Variants in CANX observed in about 807,000 individuals in gnomAD.
The protein encoded by CANX is epididymis secretory sperm binding protein.
Under a neutral mutation model 75.7 loss-of-function variants are expected in CANX, and 14 were observed. The observed-to-expected ratio is 0.19, with a 90% CI of 0.12 to 0.29. CANX has a LOEUF of 0.29. CANX is among the 10% of genes least tolerant of loss of function. CANX has a pLI of 1.00. For missense variants in CANX, 567 were observed against 713.2 expected (o/e 0.79, Z 2.34); for synonymous variants, 227 against 236.9 (o/e 0.96, Z 0.38).
At chr5:179,702,534 T>A (rs1194604110) in intron 1 of CANX, among the ~76,000 whole-genome samples, 6 of 152,194 alleles carry the variant, frequency 3.9e-5, no homozygotes, top group Admixed American at 3.9e-4. Context: ...CCTTCCTTTT[T>A]GAGATTGAAT....
At chr5:179,681,336 A>G (rs1027198821) in intron 1 of CANX, among the ~76,000 whole-genome samples, 1 of 152,220 alleles carries the variant, frequency 6.6e-6, no homozygotes, top group African/African-American at 2.4e-5. Flanking sequence ...ATAGTCTCTC[A>G]GGAAGCTAAC....
intron 1 of CANX, among the ~76,000 whole-genome samples, chr5:179,689,643 G>C (rs1776265438): frequency 6.6e-6 from 1 of 152,072 alleles, no homozygotes; most frequent in Non-Finnish European, 1.5e-5. Context: ...GCCCGCCTCG[G>C]CCTCCCAAAG....
At chr5:179,690,304 A>G (rs11959335) in intron 1 of CANX, among the ~76,000 whole-genome samples, 2 of 151,838 alleles carry the variant, frequency 1.3e-5, no homozygotes, top group Non-Finnish European at 2.9e-5. Context: ...GGCCAGGCGC[A>G]GTGGCTCACG....
At chr5:179,679,720 G>T (rs963192921) in intron 1 of CANX, among the ~76,000 whole-genome samples, 9 of 151,894 alleles carry the variant, frequency 5.9e-5, no homozygotes, top group African/African-American at 2.2e-4. Flanking sequence ...GTGCAATTGC[G>T]CGATCTTGGC....
At chr5:179,700,538 C>G (rs1776665780) in intron 1 of CANX, 1 of 152,464 alleles carries the variant, frequency 6.6e-6, no homozygotes, top group Non-Finnish European at 1.5e-5. Flanking sequence ...AGCCAGGTAA[C>G]TGGATCATGA....
At chr5:179,698,655 C>A (rs1167834845), upstream of CANX, 2 of 1,190,498 alleles carry the variant, frequency 1.7e-6, no homozygotes, top group East Asian at 5.7e-5. Flanking sequence ...CCACAGCAAC[C>A]GACGCGGGAA....
intron 14 of CANX, among the ~76,000 whole-genome samples, chr5:179,727,040 G>A (rs944512102): frequency 6.6e-6 from 1 of 152,160 alleles, no homozygotes; most frequent in Non-Finnish European, 1.5e-5. Context: ...AGGAAACTTC[G>A]GGTCATTAAC....
chr5:179,720,028 A>C (rs1270110542), intron 9 of CANX, among the ~76,000 whole-genome samples: 1 of 151,738 alleles, frequency 6.6e-6, no homozygotes, highest in African/African-American at 2.4e-5. Flanking sequence ...ACGGACTTTC[A>C]CCGTGTTGGC....
In CANX at chr5:179,705,831, T is replaced by C; in HGVS notation, c.150T>C (p.Thr50=). Residue 50 remains threonine (T), a synonymous_variant, in exon 2 of 15, where the codon ACT becomes ACC. Coordinates refer to ENST00000247461, the MANE Select transcript of CANX (RefSeq NM_001746.4). The part of the protein sequence containing the change: ...EEVEDSKPDT[T]APPSSPKVTY... ...TAGAAGACTCAAAACCAGATACCACTGCTCCTCCTTCATCTCCCAAGGTTT... is the reference window on the plus strand; with the variant it reads ...TAGAAGACTCAAAACCAGATACCACCGCTCCTCCTTCATCTCCCAAGGTTT... 3.1e-6 allele frequency: 5 copies of C among 1,613,698 alleles called. No individual in the cohort carries two copies. Among genetic ancestry groups the C allele is most frequent in the Non-Finnish European group, 4.2e-6 (5 of 1,179,620 alleles).
At chr5:179,679,299 T>C (rs1562425243) in intron 1 of CANX, 1 of 1,484,592 alleles carries the variant, frequency 6.7e-7, no homozygotes, top group Non-Finnish European at 8.9e-7. Context: ...GCAGCGTGCT[T>C]GGTACAGGCC....
chr5:179,686,925 C>T (rs949477984), intron 1 of CANX, among the ~76,000 whole-genome samples: 1 of 151,974 alleles, frequency 6.6e-6, no homozygotes, highest in African/African-American at 2.4e-5. Context: ...CTACAGGTGC[C>T]TGCCACCATG....
chr5:179,678,910 GA>G (rs1389991791), intron 1 of CANX: 1 of 1,535,050 alleles, frequency 6.5e-7, no homozygotes, highest in South Asian at 1.2e-5. Context: ...GCCCGCCGCG[GA>G]ACACGAAGGC....
chr5:179,684,756 CTTAT>C (rs1003680550), intron 1 of CANX, among the ~76,000 whole-genome samples: 4 of 151,506 alleles, frequency 2.6e-5, no homozygotes, highest in South Asian at 2.1e-4. Context: ...ATTTATTTTA[CTTAT>C]TTATTTATTT....
intron 1 of CANX, among the ~76,000 whole-genome samples, chr5:179,682,759 C>T (rs985921049): frequency 7.4e-6 from 1 of 134,890 alleles, no homozygotes; most frequent in African/African-American, 2.8e-5. Context: ...GTGAAGAAAA[C>T]AAACCAGGGA....
chr5:179,707,939 C>T (rs1300128343), intron 4 of CANX, among the ~76,000 whole-genome samples: 2 of 152,056 alleles, frequency 1.3e-5, no homozygotes, highest in African/African-American at 2.4e-5. Context: ...TGGGTTCAAG[C>T]GATTCTCCTG....
chr5:179,723,890 C>T (rs1778474089), intron 12 of CANX, 111 bp downstream of exon 12: 1 of 945,094 alleles, frequency 1.1e-6, no homozygotes, highest in Admixed American at 2.8e-5. Context: ...CAGTAATGAC[C>T]AAGCCATGTT....
At chr5:179,727,968 G>C (rs1412717855) in intron 14 of CANX, among the ~76,000 whole-genome samples, 1 of 152,182 alleles carries the variant, frequency 6.6e-6, no homozygotes, top group African/African-American at 2.4e-5. Flanking sequence ...TTTACTTTCA[G>C]CTACAACTCT....
At chr5:179,692,009 T>C (rs2113052079) in intron 1 of CANX, among the ~76,000 whole-genome samples, 1 of 151,758 alleles carries the variant, frequency 6.6e-6, no homozygotes, top group South Asian at 2.1e-4. Context: ...CTCGATCTCC[T>C]GACCTCATGA....
At chr5:179,710,720 A>AAAAAAAAAAAAAAAAAAAAAAG (rs1233295531) in intron 7 of CANX, among the ~76,000 whole-genome samples, 1 of 142,792 alleles carries the variant, frequency 7.0e-6, no homozygotes, top group African/African-American at 2.5e-5. Context: ...AAAAAAAAAA[A>AAAAAAAAAAAAAAAAAAAAAAG]AAAGATTGTA....
Sources: gnomAD v4.1 joint callset for allele counts (sites outside exome capture counted in the v4.1 genomes callset) on GRCh38, gnomAD v4.1.1 for gene constraint, MANE v1.5 for transcripts, NCBI Gene and HGNC (gene_info 2026-07-23, HGNC 2026-07-21) for gene names.